Variants in TRPC5 observed in about 807,000 individuals in gnomAD.
TRPC5 encodes the protein transient receptor potential cation channel subfamily C member 5, also known as short transient receptor potential channel 5.
Under a neutral mutation model 56.5 loss-of-function variants are expected in TRPC5, and 9 were observed. That is an observed-to-expected ratio of 0.16 (90% CI 0.10 to 0.28). TRPC5 has a LOEUF of 0.28. Ranked by LOEUF, TRPC5 falls within the 10% of genes least tolerant of loss-of-function variation. The pLI, the probability that TRPC5 is intolerant of heterozygous loss-of-function variation, is 1.00. For missense variants in TRPC5, 469 were observed against 748.9 expected, an observed-to-expected ratio of 0.63 and a Z score of 4.36; for synonymous variants, 282 against 278.5, an observed-to-expected ratio of 1.01 and a Z score of -0.13.
At chrX:112,034,506 ATTTG>A (rs759851257) in intron 1 of TRPC5, among the ~76,000 whole-genome samples, 1 of 110,054 alleles carries the variant, frequency 9.1e-6, no homozygotes, top group African/African-American at 3.3e-5. Context: ...ACTTTGATGC[ATTTG>A]TTTGTTAGCT....
intron 3 of TRPC5, among the ~76,000 whole-genome samples, chrX:111,858,175 A>G (rs895382048): frequency 1.8e-5 from 2 of 112,046 alleles, no homozygotes; most frequent in Admixed American, 9.5e-5. Context: ...GAGCTTTGAA[A>G]GCACAATCCT....
At chrX:111,777,941 ATTGT>A (rs894262128) in intron 10 of TRPC5, among the ~76,000 whole-genome samples, 6 of 112,346 alleles carry the variant, frequency 5.3e-5, no homozygotes, top group African/African-American at 1.6e-4. Context: ...ACCCTTTATT[ATTGT>A]TTGTCACTCC....
chrX:111,786,702 A>G (rs1945968882), intron 7 of TRPC5, among the ~76,000 whole-genome samples: 1 of 111,117 alleles, frequency 9.0e-6, no homozygotes, highest in Admixed American at 9.6e-5. Context: ...TAGGCTCAAA[A>G]TAAAGGGATG....
At chrX:111,784,732 C>T (rs961679920) in intron 7 of TRPC5, among the ~76,000 whole-genome samples, 1 of 112,792 alleles carries the variant, frequency 8.9e-6, no homozygotes, top group Non-Finnish European at 1.9e-5. Flanking sequence ...CTGCACTTTT[C>T]CCAAGGTCTT....
rs1300210438 is a variant in TRPC5, at chrX:111,771,508, C to G, written c.*4805G>C. On this transcript the variant is annotated 3_prime_UTR_variant, in exon 11 of 11. Transcript: ENST00000262839. ...GCTAGAGCACACTGGCTTGCTGCCTCTATCATTCCAGCAGTTAACTCTGTT... is the reference window on the plus strand; with the variant it reads ...GCTAGAGCACACTGGCTTGCTGCCTGTATCATTCCAGCAGTTAACTCTGTT... Among the ~76,000 whole-genome samples, 2 of 111,321 alleles carry G rather than the reference C, an allele frequency of 1.8e-5. No homozygotes were observed. The highest frequency in any genetic ancestry group is 6.5e-5 in the African/African-American group (2 of 30,602).
At chrX:111,999,852 G>A (rs1928652331) in intron 1 of TRPC5, among the ~76,000 whole-genome samples, 1 of 111,439 alleles carries the variant, frequency 9.0e-6, no homozygotes, top group South Asian at 3.8e-4. Flanking sequence ...TGTGATCCCA[G>A]CTACTCAGGC....
At chrX:112,036,915 G>C (rs7052164) in intron 1 of TRPC5, among the ~76,000 whole-genome samples, 22,518 of 110,204 alleles carry the variant, frequency 0.2, 2,465 homozygotes, top group African/African-American at 0.41. Context: ...CTTGCTTAGA[G>C]TTAGAGGATA....
At chrX:111,848,408 A>G (rs1187276548) in intron 5 of TRPC5, among the ~76,000 whole-genome samples, 4 of 112,259 alleles carry the variant, frequency 3.6e-5, no homozygotes, top group Non-Finnish European at 7.5e-5. Context: ...TTCTGTATCC[A>G]TATGCAAAAG....
At chrX:111,989,601 A>C (rs1190120107) in intron 1 of TRPC5, among the ~76,000 whole-genome samples, 1 of 112,184 alleles carries the variant, frequency 8.9e-6, no homozygotes, top group East Asian at 2.8e-4. Flanking sequence ...CTCTCATCTT[A>C]GATGTAGATT....
At chrX:112,074,432 T>C (rs1030957864) in intron 1 of TRPC5, among the ~76,000 whole-genome samples, 7 of 110,253 alleles carry the variant, frequency 6.3e-5, no homozygotes, top group African/African-American at 2.0e-4. Context: ...CATTGCTTGC[T>C]CCTCCACCAA....
intron 6 of TRPC5, among the ~76,000 whole-genome samples, chrX:111,837,293 TG>T (rs1275622184): frequency 2.8e-5 from 3 of 106,820 alleles, no homozygotes; most frequent in African/African-American, 1.1e-4. Flanking sequence ...GAGGAAGACA[TG>T]GGGCTAAGTA....
intron 7 of TRPC5, 112 bp downstream of exon 7, chrX:111,834,809 G>A: frequency 1.8e-6 from 1 of 567,645 alleles, no homozygotes; most frequent in Non-Finnish European, 2.8e-6. Flanking sequence ...GAAAGCTAAT[G>A]TAAATTAATT....
chrX:111,929,524 T>C (rs1335663789), intron 2 of TRPC5, among the ~76,000 whole-genome samples: 8 of 112,346 alleles, frequency 7.1e-5, no homozygotes, highest in Non-Finnish European at 1.5e-4. Flanking sequence ...GCTAAACAGT[T>C]ATCCCTCACA....
intron 1 of TRPC5, among the ~76,000 whole-genome samples, chrX:112,023,057 C>G (rs1201725113): frequency 9.1e-6 from 1 of 109,437 alleles, no homozygotes; most frequent in East Asian, 2.9e-4. Context: ...GCCTCAGCCT[C>G]CCGAGTAGCT....
At chrX:112,061,269 C>A (rs1930452763) in intron 1 of TRPC5, among the ~76,000 whole-genome samples, 2 of 112,116 alleles carry the variant, frequency 1.8e-5, no homozygotes, top group Non-Finnish European at 3.8e-5. Flanking sequence ...GAGAGGGTAT[C>A]TTCATCTCCT....
intron 1 of TRPC5, among the ~76,000 whole-genome samples, chrX:112,078,852 A>G (rs1930897351): frequency 8.9e-6 from 1 of 111,805 alleles, no homozygotes; most frequent in South Asian, 3.8e-4. Flanking sequence ...TCACTGGACA[A>G]AGTTTGAGGG....
At position 111,852,425 on chromosome X, in the gene TRPC5, C is replaced by A; in HGVS notation, c.1250G>T (p.Gly417Val). The change falls in exon 5 of 11, where the codon GGT (glycine) becomes GTT (valine). Residue 417 changes from glycine to valine, a missense_variant. Coordinates refer to ENST00000262839, the MANE Select transcript of TRPC5 (RefSeq NM_012471.3). The part of the protein sequence containing the change: ...ILPWVLGFIW[G>V]EIKEMWDGGF... The stretch of plus-strand genomic sequence containing the variant: ...ACCATCCCACATTTCCTTAATCTCA[C>A]CCCAAATGAAACCTGAAGAATGGAG... 1 of 1,207,448 alleles carries A rather than the reference C, an allele frequency of 8.3e-7. No individual in the cohort carries two copies. The highest frequency in any genetic ancestry group is 1.1e-6 in the Non-Finnish European group (1 of 893,690).
intron 1 of TRPC5, among the ~76,000 whole-genome samples, chrX:112,053,151 T>A (rs2147734996): frequency 8.9e-6 from 1 of 111,921 alleles, no homozygotes; most frequent in Admixed American, 9.5e-5. Context: ...AACATTAGTG[T>A]ACTCAAGGAG....
At chrX:111,964,651 G>T (rs1299548208) in intron 1 of TRPC5, among the ~76,000 whole-genome samples, 4 of 112,574 alleles carry the variant, frequency 3.6e-5, no homozygotes, top group South Asian at 3.7e-4. Flanking sequence ...CAAGCCAGAA[G>T]AGAGTGGGGG....
Sources: gnomAD v4.1 joint callset for allele counts (sites outside exome capture counted in the v4.1 genomes callset) on GRCh38, gnomAD v4.1.1 for gene constraint, MANE v1.5 for transcripts, NCBI Gene and HGNC (gene_info 2026-07-23, HGNC 2026-07-21) for gene names.